The following ACSS3 variants were observed in gnomAD, a reference collection of about 807,000 sequenced individuals.
ACSS3 encodes the protein acyl-CoA synthetase short chain family member 3.
ACSS3 carries 64 observed loss-of-function variants against 84.2 expected under a neutral mutation model. That is an observed-to-expected ratio of 0.76 (90% CI 0.62 to 0.94). The LOEUF is 0.94. Among genes scored for constraint, ACSS3 ranks in the 40% least tolerant of loss-of-function variants. The probability of loss-of-function intolerance (pLI) is 0.00; values close to 1 mark genes in which losing one functional copy is unlikely to be tolerated. For missense variants in ACSS3, 815 were observed against 867.6 expected, an observed-to-expected ratio of 0.94 and a Z score of 0.76; for synonymous variants, 317 against 310.1, an observed-to-expected ratio of 1.02 and a Z score of -0.23.
intron 2 of ACSS3, among the ~76,000 whole-genome samples, chr12:81,134,169 A>G (rs1885668883): frequency 6.6e-6 from 1 of 152,174 alleles, no homozygotes; most frequent in Non-Finnish European, 1.5e-5. Flanking sequence ...GGCAGTAGAA[A>G]GAGCAAAGAA....
chr12:81,162,473 T>C (rs547164333), intron 7 of ACSS3, among the ~76,000 whole-genome samples: 4 of 152,068 alleles, frequency 2.6e-5, no homozygotes, highest in African/African-American at 9.7e-5. Flanking sequence ...GTTTTTATGG[T>C]CTTCAGAAGG....
chr12:81,109,471 C>A, intron 1 of ACSS3, 89 bp from the exon 2 acceptor site: 2 of 1,443,548 alleles, frequency 1.4e-6, no homozygotes, highest in Non-Finnish European at 1.9e-6. Context: ...TTAAGGCCAG[C>A]TCTATCAAAC....
chr12:81,188,518 T>G, intron 8 of ACSS3, among the ~76,000 whole-genome samples: 1 of 152,056 alleles, frequency 6.6e-6, no homozygotes, highest in East Asian at 1.9e-4. Context: ...TCCCAACCAT[T>G]ATCTCTTCTT....
intron 1 of ACSS3, among the ~76,000 whole-genome samples, chr12:81,082,369 A>G (rs1050395608): frequency 1.3e-5 from 2 of 152,200 alleles, no homozygotes; most frequent in African/African-American, 4.8e-5. Flanking sequence ...ATGCTAGGTA[A>G]TCCAGCCTTT....
At chr12:81,252,231 A>G (rs1921058) in intron 13 of ACSS3, among the ~76,000 whole-genome samples, 51,876 of 151,968 alleles carry the variant, frequency 0.34, 10,890 homozygotes, top group Non-Finnish European at 0.48. Flanking sequence ...TATCTTTCAT[A>G]TAAAAAAAAT....
intron 9 of ACSS3, among the ~76,000 whole-genome samples, chr12:81,212,504 A>G (rs2032634192): frequency 6.6e-6 from 1 of 152,020 alleles, no homozygotes; most frequent in African/African-American, 2.4e-5. Context: ...TGTCTATTCC[A>G]TTCTTCTCCT....
At chr12:81,153,783 C>G (rs551968876) in intron 7 of ACSS3, among the ~76,000 whole-genome samples, 1 of 152,304 alleles carries the variant, frequency 6.6e-6, no homozygotes, top group South Asian at 2.1e-4. Flanking sequence ...CATGAGAGGC[C>G]ATTCTCAATC....
chr12:81,090,213 A>G (rs140353225), intron 1 of ACSS3, among the ~76,000 whole-genome samples: 47 of 152,068 alleles, frequency 3.1e-4, no homozygotes, highest in African/African-American at 1.1e-3. Context: ...GTCGCCTTTC[A>G]ATGTCTCTAG....
At chr12:81,240,848 T>A (rs924117544) in intron 13 of ACSS3, among the ~76,000 whole-genome samples, 13 of 152,074 alleles carry the variant, frequency 8.5e-5, no homozygotes, top group Non-Finnish European at 1.6e-4. Flanking sequence ...TCTTTTTTTT[T>A]ATTATACTTT....
chr12:81,079,821 C>T (rs1297825615), intron 1 of ACSS3, among the ~76,000 whole-genome samples: 1 of 152,198 alleles, frequency 6.6e-6, no homozygotes, highest in Non-Finnish European at 1.5e-5. Context: ...CTGTGTTTCA[C>T]TTTCCTGAAA....
intron 2 of ACSS3, among the ~76,000 whole-genome samples, chr12:81,122,429 A>G (rs1018021664): frequency 1.3e-5 from 2 of 152,166 alleles, no homozygotes; most frequent in Admixed American, 6.5e-5. Flanking sequence ...ATTATTCGCT[A>G]GCCCTTTAAT....
At chr12:81,241,899 G>T (rs1447545131) in intron 13 of ACSS3, among the ~76,000 whole-genome samples, 3 of 152,154 alleles carry the variant, frequency 2.0e-5, no homozygotes, top group African/African-American at 7.2e-5. Flanking sequence ...TTTTAGACAT[G>T]AAGTTCTTGC....
chr12:81,239,293 G>A (rs2033717500), intron 13 of ACSS3, among the ~76,000 whole-genome samples: 1 of 151,608 alleles, frequency 6.6e-6, no homozygotes, highest in South Asian at 2.1e-4. Flanking sequence ...CTTGGTGACT[G>A]TTCCATTTAA....
intron 8 of ACSS3, among the ~76,000 whole-genome samples, chr12:81,179,066 G>A (rs1305622837): frequency 6.6e-6 from 1 of 151,968 alleles, no homozygotes; most frequent in Non-Finnish European, 1.5e-5. Context: ...TTCAATAAAT[G>A]GAGCTAGGAT....
chr12:81,189,976 T>C (rs554168478), intron 8 of ACSS3, among the ~76,000 whole-genome samples: 28 of 152,288 alleles, frequency 1.8e-4, no homozygotes, highest in Admixed American at 1.5e-3. Context: ...GTCATGACAG[T>C]GCCTACAAAT....
rs150114495 is a variant in ACSS3 at position 81,239,516 on chromosome 12, T to C, written c.1719+6045T>C. 1.6e-4 allele frequency among the ~76,000 whole-genome samples: 24 copies of C among 152,082 alleles called. No homozygotes were observed. The East Asian group carries it at 4.1e-3, about 26-fold the overall frequency. On this transcript the variant is annotated intron_variant, in intron 13 of 15. Coordinates refer to ENST00000548058, the MANE Select transcript of ACSS3 (RefSeq NM_024560.4). ...GGTTTAATTGACTCATAATCCCATA[T>C]GGCTGGGGAGGCCTCACAATCATGG...
intron 1 of ACSS3, among the ~76,000 whole-genome samples, chr12:81,093,583 A>G (rs1360688188): frequency 6.6e-6 from 1 of 151,382 alleles, no homozygotes; most frequent in African/African-American, 2.4e-5. Context: ...ATCTTGCTAT[A>G]TTAGGTATAG....
rs145301772 is a variant in ACSS3 at position 81,227,627 on chromosome 12, G to A, written c.1515-3430G>A. On this transcript the variant is annotated intron_variant, in intron 11 of 15. Transcript: ENST00000548058. ...GTACGTTGGTCACACAGCATGAAGT[G>A]TCTTTCCTTCTTATTCCTTTTTCAG... Among the ~76,000 whole-genome samples the A allele has an allele frequency of 1.1e-3, 167 of 152,014 alleles. 2 individuals carry two copies. The highest frequency in any genetic ancestry group is 3.9e-3 in the African/African-American group (163 of 41,512).
chr12:81,234,945 A>C (rs1292142744), intron 13 of ACSS3, among the ~76,000 whole-genome samples: 1 of 150,994 alleles, frequency 6.6e-6, no homozygotes, highest in African/African-American at 2.4e-5. Flanking sequence ...ACGGATTATG[A>C]TTTTGGTATT....
Sources: allele counts gnomAD v4.1 joint callset (sites outside exome capture counted in the v4.1 genomes callset), GRCh38; gene constraint gnomAD v4.1.1; transcripts MANE v1.5; gene names NCBI Gene and HGNC (gene_info 2026-07-23, HGNC 2026-07-21).